MMEL1: variants seen among roughly 807,000 people sequenced by gnomAD.
MMEL1 encodes the protein membrane metallo-endopeptidase-like 1.
Under a neutral mutation model 117.1 loss-of-function variants are expected in MMEL1, and 98 were observed. The observed-to-expected ratio is 0.84, with a 90% CI of 0.71 to 0.99. MMEL1 has a LOEUF of 0.99. Ranked by LOEUF, MMEL1 falls within the 50% of genes least tolerant of loss-of-function variation. The pLI, the probability that MMEL1 is intolerant of heterozygous loss-of-function variation, is 0.00. For synonymous variants in MMEL1, 390 were observed against 415.1 expected (o/e 0.94, Z 0.74); for missense variants, 1,014 against 1,049.1 (o/e 0.97, Z 0.46).
chr1:2,592,883 T>G lies in MMEL1; in HGVS notation c.1951A>C (p.Met651Leu). 6.2e-7 allele frequency: 1 copy of G among 1,613,808 alleles called. No homozygotes were observed. The highest frequency in any genetic ancestry group is 1.3e-5 in the African/African-American group (1 of 75,000). Residue 651 changes from methionine to leucine, a missense_variant, in exon 20 of 24, where the codon ATG (methionine) becomes CTG (leucine). By Grantham distance (15) the Met-to-Leu change is conservative (BLOSUM62 2). Transcript: ENST00000378412. ...TQHFREQSEC[M>L]IYQYGNYSWD... Reference sequence around the variant, plus strand: ...GAGTAGTTGCCGTACTGGTAGATCATGCACTCTGACTGCTCCCGGAAGTGC... The same window carrying G: ...GAGTAGTTGCCGTACTGGTAGATCAGGCACTCTGACTGCTCCCGGAAGTGC...
At position 2,604,296 on chromosome 1, in the gene MMEL1, G is replaced by T; in HGVS notation, c.817-15C>A. 1 of 1,611,538 alleles carries T rather than the reference G, an allele frequency of 6.2e-7. No homozygotes were observed. The highest frequency in any genetic ancestry group is 8.5e-7 in the Non-Finnish European group (1 of 1,179,306). On this transcript the variant is annotated splice_polypyrimidine_tract_variant and intron_variant, in intron 9 of 23. Coordinates refer to ENST00000378412, the MANE Select transcript of MMEL1 (RefSeq NM_033467.4). ...GCTTCCCGCACCTGGGCCAAAGGAC[G>T]CCGGGCAGAGCTGGGTGGCCTCAGC...
Position 2,596,438 on chromosome 1 carries a change from CTCTG to C in MMEL1, c.1401+119_1401+122del, listed in dbSNP as rs1394580740. 2.9e-6 allele frequency: 4 copies of C among 1,389,806 alleles called. No homozygotes were observed. The African/African-American group carries it at 4.3e-5, about 15-fold the overall frequency. 86.1% of individuals were successfully genotyped at this position (1,389,806 alleles called of 1,614,324 possible). ...GTGGGCACGGCTTCCCTTAGCCTCC[CTCTG>C]TCTGGTGAGCTGGGGCAGGTGCCCC... On this transcript the variant is annotated intron_variant, in intron 14 of 23. Coordinates refer to ENST00000378412, the MANE Select transcript of MMEL1 (RefSeq NM_033467.4).
intron 2 of MMEL1, among the ~76,000 whole-genome samples, chr1:2,628,172 C>A (rs373545816): frequency 2.6e-5 from 4 of 152,218 alleles, no homozygotes; most frequent in Non-Finnish European, 4.4e-5. Context: ...TTTCCCTCCC[C>A]CACTGCCCAC....
rs748972561 is a variant in MMEL1 at position 2,595,275 on chromosome 1, C to T, written c.1584+1G>A. 1.2e-6 allele frequency: 2 copies of T among 1,613,392 alleles called. No homozygotes were observed. Among genetic ancestry groups the T allele is most frequent in the Non-Finnish European group, 1.7e-6 (2 of 1,179,828 alleles). Reference sequence around the variant, plus strand: ...GTTTAGGGCTGGGGTTGGGGGCGCACATTGGAGTACTCCTCGTCCAGGCGC... The same window carrying T: ...GTTTAGGGCTGGGGTTGGGGGCGCATATTGGAGTACTCCTCGTCCAGGCGC... On this transcript the variant is annotated splice_donor_variant, in intron 16 of 23. Coordinates refer to ENST00000378412, the MANE Select transcript of MMEL1 (RefSeq NM_033467.4). LOFTEE classifies it high-confidence loss of function. The surrounding 1 kb of genome is among the most constrained non-coding windows in gnomAD (Gnocchi z 4.8).
intron 2 of MMEL1, among the ~76,000 whole-genome samples, chr1:2,617,024 C>T (rs1233783475): frequency 6.6e-6 from 1 of 152,232 alleles, no homozygotes; most frequent in South Asian, 2.1e-4. Flanking sequence ...CCTTAACTTA[C>T]AGTGCCTCAC....
At chr1:2,605,717 C>T in intron 8 of MMEL1, 94 bp from the exon 9 acceptor site, 2 of 922,870 alleles carry the variant, frequency 2.2e-6, no homozygotes, top group Non-Finnish European at 3.4e-6. Context: ...CAGGACTGTG[C>T]CCCGTGCACA....
intron 1 of MMEL1, among the ~76,000 whole-genome samples, chr1:2,631,724 C>G (rs1570728431): frequency 2.0e-5 from 3 of 152,146 alleles, no homozygotes; most frequent in Admixed American, 6.5e-5. Flanking sequence ...CTAGACACCC[C>G]TATCCCGCCA....
chr1:2,609,712 T>C lies in MMEL1; in HGVS notation c.412A>G (p.Ile138Val), dbSNP rs757013388. The stretch of plus-strand genomic sequence containing the variant: ...AGCTCGTCGCGGAGGACGTCAAAGA[T>C]GCTGTATCTTGAGTTGGTCTCAGGG... Reference protein sequence around the residue: ...VIPETNSRYSIFDVLRDELEV... With the variant: ...VIPETNSRYSVFDVLRDELEV... Residue 138 changes from isoleucine (I) to valine (V), a missense_variant, in exon 5 of 24, where the codon ATC becomes GTC. Ile to Val is a conservative substitution (Grantham distance 29). Transcript: ENST00000378412. The C allele has an allele frequency of 6.2e-7, 1 of 1,613,568 alleles. No individual in the cohort carries two copies. Among genetic ancestry groups the C allele is most frequent in the Non-Finnish European group, 8.5e-7 (1 of 1,179,916 alleles).
intron 1 of MMEL1, among the ~76,000 whole-genome samples, chr1:2,630,770 A>G (rs1202953707): frequency 8.6e-6 from 1 of 115,794 alleles, no homozygotes; most frequent in African/African-American, 3.4e-5. Flanking sequence ...CATTATGTGG[A>G]TATGCACGTG....
In MMEL1 at chr1:2,595,898, G is replaced by A. The variant is rs561816558; in HGVS notation, c.1500+111C>T. ...CTTCTCCCCGTGGGGTCCTGTCTGC[G>A]CCTCCCGGGGCTGCCTTCTCCCCGT... On this transcript the variant is annotated intron_variant, in intron 15 of 23. Transcript: ENST00000378412. This position sits in a 1 kb window ranked among gnomAD's most constrained non-coding sequence, Gnocchi z 4.8. 12 of 851,846 alleles carry A rather than the reference G, an allele frequency of 1.4e-5. No individual in the cohort carries two copies. The highest frequency in any genetic ancestry group is 2.5e-4 in the Middle Eastern group (1 of 3,988). The allele number at this position is 851,846 out of a possible 1,614,324, so 52.8% of individuals were successfully genotyped here.
In MMEL1 at chr1:2,591,283, C is replaced by G. The variant is rs569088418; in HGVS notation, c.2241-194G>C. On this transcript the variant is annotated intron_variant, in intron 23 of 23. Transcript: ENST00000378412. ...GCCAATCCTGAGAATAACCTCCCCT[C>G]CAGCCAGAGATATTCCAACTCTGCA... is the stretch of plus-strand genomic sequence containing the variant. 11 of 596,862 alleles carry G rather than the reference C, an allele frequency of 1.8e-5. No individual in the cohort carries two copies. In the South Asian group the frequency reaches 2.3e-4, roughly 12 times the overall value. The allele number at this position is 596,862 out of a possible 1,614,324, so 37.0% of individuals were successfully genotyped here. A position where few individuals can be genotyped will look rare whatever the true frequency, so the allele number is the denominator to read the frequency against.
At chr1:2,605,098 T>C (rs1420771012) in intron 9 of MMEL1, among the ~76,000 whole-genome samples, 1 of 152,014 alleles carries the variant, frequency 6.6e-6, no homozygotes, top group Non-Finnish European at 1.5e-5. Context: ...TCCCCACCCT[T>C]CCCTGCACCC....
chr1:2,594,472 C>G, intron 17 of MMEL1, 29 bp from the exon 18 acceptor site: 1 of 1,551,104 alleles, frequency 6.4e-7, no homozygotes, highest in Non-Finnish European at 8.7e-7. Context: ...TCTCTGGGAG[C>G]CGCCTCTCCG....
In MMEL1 at chr1:2,611,327, G is replaced by GGCCTC. The variant is rs1557545440; in HGVS notation, c.241_245dup (p.Gln83ArgfsTer5). The stretch of plus-strand genomic sequence containing the variant: ...TGGTGCAGACCTCGCTCACCTCTTG[G>GGCCTC]GCCTCTGGGATCCCTGCGGGCAAGG... On this transcript the variant is annotated frameshift_variant, in exon 4 of 24. Coordinates refer to ENST00000378412, the MANE Select transcript of MMEL1 (RefSeq NM_033467.4). LOFTEE classifies it high-confidence loss of function. 1 of 1,552,284 alleles carries GGCCTC rather than the reference G, an allele frequency of 6.4e-7. No homozygotes were observed. The highest frequency in any genetic ancestry group is 8.7e-7 in the Non-Finnish European group (1 of 1,150,280).
intron 1 of MMEL1, among the ~76,000 whole-genome samples, chr1:2,630,498 G>A (rs1395091852): frequency 6.6e-6 from 1 of 152,036 alleles, no homozygotes; most frequent in African/African-American, 2.4e-5. Flanking sequence ...GTGTGTGCGT[G>A]TGCTCTCGTG....
rs759166653 is a variant in MMEL1 at position 2,603,908 on chromosome 1, C to T, written c.1017G>A (p.Glu339=). The change falls in exon 11 of 24, where the codon GAG becomes GAA. Residue 339 remains glutamate, a synonymous_variant. Coordinates refer to ENST00000378412, the MANE Select transcript of MMEL1 (RefSeq NM_033467.4). ...IALYHRMGLE[E]LQSQFGLKGF... is the part of the protein sequence containing the mutation. ...CCTTCAGGCCAAACTGGCTTTGCAG[C>T]TCCTCCAGTCCCATCCGGTGGTACA... 18 of 1,613,874 alleles carry T rather than the reference C, an allele frequency of 1.1e-5. No individual in the cohort carries two copies. The Admixed American group carries it at 2.5e-4, about 22-fold the overall frequency.
chr1:2,621,527 C>T (rs1028792193), intron 2 of MMEL1, among the ~76,000 whole-genome samples: 3 of 152,152 alleles, frequency 2.0e-5, no homozygotes, highest in Non-Finnish European at 4.4e-5. Flanking sequence ...GATGTGGAAG[C>T]CCCTACTTGG....
chr1:2,630,691 AC>A (rs1638517656), intron 1 of MMEL1, among the ~76,000 whole-genome samples: 3 of 138,196 alleles, frequency 2.2e-5, no homozygotes, highest in Non-Finnish European at 4.6e-5. Context: ...GTGTGCGTGT[AC>A]ACTCGTGTGT....
In MMEL1 at chr1:2,604,131, G is replaced by A. The variant is rs539341280; in HGVS notation, c.951+16C>T. The stretch of plus-strand genomic sequence containing the variant: ...CCCACTCGCTGCCCGCTCCCCACCC[G>A]CCCCGGCCCCCTTACCTTGGCCAGC... On this transcript the variant is annotated intron_variant, in intron 10 of 23. Coordinates refer to ENST00000378412, the MANE Select transcript of MMEL1 (RefSeq NM_033467.4). 1.8e-5 allele frequency: 19 copies of A among 1,045,338 alleles called. No homozygotes were observed. The East Asian group carries it at 1.9e-4, about 10-fold the overall frequency. 64.8% of individuals were successfully genotyped at this position (1,045,338 alleles called of 1,614,324 possible). A position where few individuals can be genotyped will look rare whatever the true frequency, so the allele number is the denominator to read the frequency against.
Sources: allele counts gnomAD v4.1 joint callset (sites outside exome capture counted in the v4.1 genomes callset), GRCh38; gene constraint gnomAD v4.1.1; non-coding constraint Gnocchi (gnomAD v3.1); transcripts MANE v1.5; gene names NCBI Gene and HGNC (gene_info 2026-07-23, HGNC 2026-07-21).